The following KIAA1328 variants were observed in gnomAD, a reference collection of about 807,000 sequenced individuals.
KIAA1328 encodes the protein KIAA1328, also known as protein hinderin.
Under a neutral mutation model 68.1 loss-of-function variants are expected in KIAA1328, and 52 were observed. The observed-to-expected ratio is 0.76, with a 90% CI of 0.61 to 0.96. KIAA1328 has a LOEUF of 0.96. KIAA1328 is among the 40% of genes least tolerant of loss of function. KIAA1328 has a pLI of 0.00. For missense variants in KIAA1328, 641 were observed against 677.6 expected (o/e 0.95, Z 0.60); for synonymous variants, 232 against 239.4 (o/e 0.97, Z 0.28).
intron 7 of KIAA1328, among the ~76,000 whole-genome samples, chr18:37,112,569 T>C (rs1266965426): frequency 6.6e-6 from 1 of 152,166 alleles, no homozygotes. Flanking sequence ...GCAGAAAAGC[T>C]GAAAATTCTA....
intron 4 of KIAA1328, among the ~76,000 whole-genome samples, chr18:36,866,097 C>T (rs2047740855): frequency 6.6e-6 from 1 of 152,178 alleles, no homozygotes; most frequent in African/African-American, 2.4e-5. Context: ...GGCTAATCTT[C>T]ACCAGTACCC....
intron 6 of KIAA1328, among the ~76,000 whole-genome samples, chr18:37,041,329 C>T (rs890258061): frequency 6.6e-6 from 1 of 152,022 alleles, no homozygotes; most frequent in Non-Finnish European, 1.5e-5. Context: ...ATGTTTCAAG[C>T]TTAAAGTTTG....
chr18:37,089,516 A>G (rs2057209901), intron 7 of KIAA1328, among the ~76,000 whole-genome samples: 1 of 151,808 alleles, frequency 6.6e-6, no homozygotes, highest in Admixed American at 6.6e-5. Context: ...CTGGGACTAC[A>G]GGTGCACGCC....
At chr18:37,160,788 G>A (rs183571270) in intron 8 of KIAA1328, among the ~76,000 whole-genome samples, 2 of 152,260 alleles carry the variant, frequency 1.3e-5, no homozygotes, top group African/African-American at 4.8e-5. Flanking sequence ...GAGAGGTCAT[G>A]GACAATTCCC....
chr18:36,886,188 G>A (rs576701219), intron 5 of KIAA1328: 2 of 152,610 alleles, frequency 1.3e-5, no homozygotes, highest in African/African-American at 4.8e-5. Flanking sequence ...CTGTTCTGCT[G>A]CTGCTGTTAG....
chr18:37,024,905 G>T (rs1199073436), intron 6 of KIAA1328, among the ~76,000 whole-genome samples: 1 of 152,064 alleles, frequency 6.6e-6, no homozygotes, highest in African/African-American at 2.4e-5. Context: ...TAATGTGATG[G>T]CTGGGTCAAA....
intron 7 of KIAA1328, among the ~76,000 whole-genome samples, chr18:37,077,561 A>C (rs573629207): frequency 1.4e-4 from 22 of 152,076 alleles, no homozygotes; most frequent in Non-Finnish European, 2.2e-4. Flanking sequence ...TTGCAGATGA[A>C]ATGATTGTAT....
intron 6 of KIAA1328, among the ~76,000 whole-genome samples, chr18:36,975,176 A>ATTTT (rs751805080): frequency 1.6e-4 from 18 of 114,936 alleles, no homozygotes; most frequent in Admixed American, 2.9e-4. Flanking sequence ...ACAAGCTACA[A>ATTTT]TTTTTTTTTT....
chr18:37,120,840 T>C (rs1421615208), intron 7 of KIAA1328, among the ~76,000 whole-genome samples: 1 of 152,136 alleles, frequency 6.6e-6, no homozygotes, highest in East Asian at 1.9e-4. Flanking sequence ...TATTAGAAAG[T>C]TTGAAGAGTT....
chr18:36,848,758 C>A (rs1410019932), intron 4 of KIAA1328, among the ~76,000 whole-genome samples: 1 of 150,416 alleles, frequency 6.6e-6, no homozygotes, highest in Non-Finnish European at 1.5e-5. Flanking sequence ...GAGTTTTTAT[C>A]TTTAGTCATA....
chr18:37,218,916 T>C (rs1302199522), intron 9 of KIAA1328, among the ~76,000 whole-genome samples: 2 of 152,214 alleles, frequency 1.3e-5, no homozygotes, highest in Non-Finnish European at 2.9e-5. Flanking sequence ...ATTGTCAGCT[T>C]TTCTGCTCTG....
At chr18:37,096,733 C>G (rs979529649) in intron 7 of KIAA1328, among the ~76,000 whole-genome samples, 2 of 152,190 alleles carry the variant, frequency 1.3e-5, no homozygotes, top group Admixed American at 1.3e-4. Flanking sequence ...TCTCCAGCAC[C>G]TGTTGTTTCC....
At chr18:36,847,724 A>C (rs1003063378) in intron 4 of KIAA1328, among the ~76,000 whole-genome samples, 2 of 151,504 alleles carry the variant, frequency 1.3e-5, no homozygotes, top group African/African-American at 4.8e-5. Context: ...TCTTTTGATA[A>C]AATTTTGGAT....
intron 9 of KIAA1328, among the ~76,000 whole-genome samples, chr18:37,214,181 T>C (rs2060377522): frequency 6.6e-6 from 1 of 152,246 alleles, no homozygotes; most frequent in Non-Finnish European, 1.5e-5. Flanking sequence ...ATTTTGGCTT[T>C]TGTTGCCATT....
chr18:37,140,461 C>T (rs1414717150), intron 7 of KIAA1328, among the ~76,000 whole-genome samples: 1 of 151,956 alleles, frequency 6.6e-6, no homozygotes, highest in East Asian at 1.9e-4. Flanking sequence ...CAGACTATCG[C>T]GATATAAGAT....
intron 1 of KIAA1328, chr18:36,829,529 C>T: frequency 1.0e-6 from 1 of 976,972 alleles, no homozygotes; most frequent in Non-Finnish European, 1.3e-6. Context: ...GTCAGAGTGC[C>T]CCCAGGCTGA....
At chr18:37,216,588 G>A (rs915154578) in intron 9 of KIAA1328, among the ~76,000 whole-genome samples, 3 of 152,206 alleles carry the variant, frequency 2.0e-5, no homozygotes, top group African/African-American at 7.2e-5. Context: ...ATGCGGTGCT[G>A]AGAAGAGTGT....
At chr18:36,957,949 G>A (rs747208514) in intron 5 of KIAA1328, among the ~76,000 whole-genome samples, 8 of 151,990 alleles carry the variant, frequency 5.3e-5, no homozygotes, top group Non-Finnish European at 1.0e-4. Flanking sequence ...ATACCTGTTT[G>A]CAGTTACTCT....
chr18:36,915,631 C>T (rs2049664211), intron 5 of KIAA1328, among the ~76,000 whole-genome samples: 1 of 152,136 alleles, frequency 6.6e-6, no homozygotes, highest in South Asian at 2.1e-4. Context: ...ATAGTATTAT[C>T]TTACACACCT....
Sources: allele counts gnomAD v4.1 joint callset (sites outside exome capture counted in the v4.1 genomes callset), GRCh38; gene constraint gnomAD v4.1.1; transcripts MANE v1.5; gene names NCBI Gene and HGNC (gene_info 2026-07-23, HGNC 2026-07-21).